MITF: variants seen among roughly 807,000 people sequenced by gnomAD.
The protein encoded by MITF is microphthalmia-associated transcription factor.
In MITF, 17 loss-of-function variants were observed where a neutral mutation model predicts 60.5. The observed-to-expected ratio is 0.28, with a 90% confidence interval of 0.19 to 0.42. MITF has a LOEUF of 0.42. Among genes scored for constraint, MITF ranks in the 10% least tolerant of loss-of-function variants. MITF has a pLI of 1.00. For missense variants in MITF, 622 were observed against 683.5 expected, an observed-to-expected ratio of 0.91 and a Z score of 1.00; for synonymous variants, 260 against 248.5, an observed-to-expected ratio of 1.05 and a Z score of -0.43.
intron 1 of MITF, among the ~76,000 whole-genome samples, chr3:69,775,107 G>T (rs1490901791): frequency 3.3e-5 from 5 of 152,120 alleles, no homozygotes; most frequent in Non-Finnish European, 5.9e-5. Context: ...ATCTGAATTA[G>T]GTTACCATGC....
intron 2 of MITF, among the ~76,000 whole-genome samples, chr3:69,901,201 A>C (rs1273375355): frequency 1.4e-5 from 2 of 147,834 alleles, no homozygotes; most frequent in Admixed American, 6.8e-5. Flanking sequence ...ATAACGAACC[A>C]GTGTGATTTT....
rs1464289440 is a variant in MITF at position 69,896,315 on chromosome 3, G to A, written c.354+16932G>A. On this transcript the variant is annotated intron_variant, in intron 2 of 9. Coordinates refer to ENST00000352241, the MANE Select transcript of MITF (RefSeq NM_001354604.2). ...GGGCTCTGCTCTCTGGAGAAGTTGA[G>A]AATACAGAGGCAGCAGCTGCAGAGA... Among the ~76,000 whole-genome samples, 5 of 152,206 alleles carry A rather than the reference G, an allele frequency of 3.3e-5. No homozygotes were observed. In the East Asian group the frequency reaches 5.8e-4, roughly 18 times the overall value.
At position 69,760,167 on chromosome 3, in the gene MITF, A is replaced by G. The variant is rs763610154; in HGVS notation, c.104+20466A>G. 3.3e-5 allele frequency among the ~76,000 whole-genome samples: 5 copies of G among 152,168 alleles called. No individual in the cohort carries two copies. The East Asian group carries it at 7.7e-4, about 23-fold the overall frequency. On this transcript the variant is annotated intron_variant, in intron 1 of 9. Coordinates refer to ENST00000352241, the MANE Select transcript of MITF (RefSeq NM_001354604.2). ...AGTTGACTGAGGCTTCACTGTTCAGATATGGTAGAATTTTGACAGATTTTT... is the reference window on the plus strand; with the variant it reads ...AGTTGACTGAGGCTTCACTGTTCAGGTATGGTAGAATTTTGACAGATTTTT...
At chr3:69,845,419 CTTTTCTT>C (rs937501500) in intron 1 of MITF, among the ~76,000 whole-genome samples, 18 of 139,072 alleles carry the variant, frequency 1.3e-4, no homozygotes, top group African/African-American at 2.0e-4. Flanking sequence ...GTTTTCTTTT[CTTTTCTT>C]TTTTCTTTTT....
intron 2 of MITF, among the ~76,000 whole-genome samples, chr3:69,914,561 T>G (rs17006595): frequency 0.016 from 2,443 of 152,322 alleles, 31 homozygotes; most frequent in Middle Eastern, 0.051. Context: ...AATTATTGCT[T>G]CTTCTGGCTT....
intron 2 of MITF, among the ~76,000 whole-genome samples, chr3:69,932,848 C>T (rs1454692984): frequency 6.6e-6 from 1 of 152,074 alleles, no homozygotes; most frequent in African/African-American, 2.4e-5. Context: ...GCATAACTGA[C>T]ATTCTCTATG....
rs184789417 is a variant in MITF at position 69,931,132 on chromosome 3, A to G, written c.355-6690A>G. ...CTTTTACTTTGAATTGACATAAGCT[A>G]GGAGCGCATGTAAAATGCATGGCAT... On this transcript the variant is annotated intron_variant, in intron 2 of 9. Coordinates refer to ENST00000352241, the MANE Select transcript of MITF (RefSeq NM_001354604.2). Among the ~76,000 whole-genome samples, 202 of 152,322 alleles carry G rather than the reference A, an allele frequency of 1.3e-3. 2 individuals carry two copies. Among genetic ancestry groups the G allele is most frequent in the Non-Finnish European group, 2.1e-3 (140 of 68,026 alleles).
At chr3:69,856,015 A>G (rs145766046) in intron 1 of MITF, among the ~76,000 whole-genome samples, 1 of 152,226 alleles carries the variant, frequency 6.6e-6, no homozygotes, top group East Asian at 1.9e-4. Flanking sequence ...AGTCATGCTC[A>G]TTTCCCACAG....
chr3:69,965,276 A>G lies in MITF; in HGVS notation c.*28A>G, dbSNP rs1559757199. The G allele has an allele frequency of 7.5e-6, 12 of 1,606,042 alleles. No homozygotes were observed. Among genetic ancestry groups the G allele is most frequent in the Non-Finnish European group, 1.0e-5 (12 of 1,173,432 alleles). ...AATCCTCCCTGCACTGCATTCGCAC[A>G]AACTGCTTCCTTTCTTGATTCGTAG... On this transcript the variant is annotated 3_prime_UTR_variant, in exon 10 of 10. Coordinates refer to ENST00000352241, the MANE Select transcript of MITF (RefSeq NM_001354604.2).
intron 2 of MITF, among the ~76,000 whole-genome samples, chr3:69,907,722 C>G (rs140474137): frequency 0.01 from 1,571 of 152,244 alleles, 10 homozygotes; most frequent in Middle Eastern, 0.024. Context: ...ATCATTGGCT[C>G]TCTTTTTCAG....
chr3:69,930,790 A>G (rs992314271), intron 2 of MITF, among the ~76,000 whole-genome samples: 16 of 152,254 alleles, frequency 1.1e-4, no homozygotes, highest in Non-Finnish European at 2.4e-4. Context: ...GACTTGTGGC[A>G]TCACACTCTG....
intron 1 of MITF, among the ~76,000 whole-genome samples, chr3:69,875,130 A>C (rs1465931761): frequency 1.3e-5 from 2 of 152,182 alleles, no homozygotes; most frequent in Non-Finnish European, 2.9e-5. Context: ...GGCTCATTAA[A>C]GCTCATGCAG....
At chr3:69,773,334 GC>G (rs1221743487) in intron 1 of MITF, among the ~76,000 whole-genome samples, 2 of 152,138 alleles carry the variant, frequency 1.3e-5, no homozygotes, top group Non-Finnish European at 2.9e-5. Context: ...CAAAGACTTT[GC>G]CTTTTACTCA....
intron 2 of MITF, among the ~76,000 whole-genome samples, chr3:69,880,323 T>A (rs1022098917): frequency 1.3e-5 from 2 of 152,130 alleles, no homozygotes; most frequent in South Asian, 4.1e-4. Flanking sequence ...AATAGAGAGA[T>A]GATGTGTTAT....
At chr3:69,888,863 G>A (rs1359633167) in intron 2 of MITF, among the ~76,000 whole-genome samples, 1 of 151,838 alleles carries the variant, frequency 6.6e-6, no homozygotes, top group African/African-American at 2.4e-5. Flanking sequence ...CTGTCTTGGT[G>A]AAGAGAAAAG....
chr3:69,740,501 C>T (rs1271414669), intron 1 of MITF, among the ~76,000 whole-genome samples: 1 of 152,120 alleles, frequency 6.6e-6, no homozygotes, highest in Non-Finnish European at 1.5e-5. Context: ...TGAAGACATC[C>T]ACTGCTCTGA....
chr3:69,911,724 A>G (rs755569529), intron 2 of MITF, among the ~76,000 whole-genome samples: 12 of 152,240 alleles, frequency 7.9e-5, no homozygotes, highest in Non-Finnish European at 1.5e-4. Context: ...ACACAGATAC[A>G]AATAGTATTT....
chr3:69,751,653 G>C (rs1703944625), intron 1 of MITF, among the ~76,000 whole-genome samples: 1 of 149,502 alleles, frequency 6.7e-6, no homozygotes, highest in African/African-American at 2.5e-5. Context: ...AGTCTAATAA[G>C]TCTAAATTTC....
intron 1 of MITF, among the ~76,000 whole-genome samples, chr3:69,772,092 A>G (rs2062403507): frequency 6.6e-6 from 1 of 152,204 alleles, no homozygotes; most frequent in South Asian, 2.1e-4. Context: ...GTGGGGTAAG[A>G]GTAGCCTGGA....
Sources: gnomAD v4.1 joint callset for allele counts (sites outside exome capture counted in the v4.1 genomes callset) on GRCh38, gnomAD v4.1.1 for gene constraint, MANE v1.5 for transcripts, NCBI Gene and HGNC (gene_info 2026-07-23, HGNC 2026-07-21) for gene names.